The following SRRM2 variants were observed in gnomAD, a reference collection of about 807,000 sequenced individuals.
The protein encoded by SRRM2 is serine/arginine repetitive matrix 2.
Under a neutral mutation model 213.8 loss-of-function variants are expected in SRRM2, and 30 were observed. The ratio of observed to expected loss-of-function variants is 0.14; its 90% CI spans 0.10 to 0.19. The LOEUF (loss-of-function observed/expected upper bound fraction) is 0.19. SRRM2 is among the 10% of genes least tolerant of loss of function. SRRM2 has a pLI of 1.00. For missense variants in SRRM2, 4,904 were observed against 3,647.0 expected, an observed-to-expected ratio of 1.34 and a Z score of -8.88; for synonymous variants, 2,025 against 1,377.7, an observed-to-expected ratio of 1.47 and a Z score of -10.40.
At position 2,767,322 on chromosome 16, in the gene SRRM2, C is replaced by T; in HGVS notation, c.6794C>T (p.Ala2265Val). 1 of 1,613,940 alleles carries T rather than the reference C, an allele frequency of 6.2e-7. No homozygotes were observed. Among genetic ancestry groups the T allele is most frequent in the Non-Finnish European group, 8.5e-7 (1 of 1,180,048 alleles). ...GCTGACTCTCGAACGCCAGCTGCAG[C>T]AGCGGCCATGAACTTGGCCAGCCCC... ...NLADSRTPAA[A>V]AAMNLASPRT... Residue 2265 changes from alanine (A) to valine (V), a missense_variant, in exon 11 of 15, where the codon GCA becomes GTA. Transcript: ENST00000301740.
intron 4 of SRRM2, 141 bp downstream of exon 4, chr16:2,758,086 G>C: frequency 9.8e-7 from 1 of 1,024,110 alleles, no homozygotes; most frequent in Non-Finnish European, 1.4e-6. Context: ...AAAAAAATGT[G>C]TCCAAGGGTT....
rs1222080395 is a variant in SRRM2 at position 2,767,040 on chromosome 16, C to G, written c.6512C>G (p.Ser2171Cys). 2 of 1,614,108 alleles carry G rather than the reference C, an allele frequency of 1.2e-6. No individual in the cohort carries two copies. The highest frequency in any genetic ancestry group is 1.7e-6 in the Non-Finnish European group (2 of 1,180,054). The stretch of plus-strand genomic sequence containing the variant: ...CGAATACCTGACCACCAGAGAACAT[C>G]TGTGCCAGAAAATCATGCTCAGTCC... The part of the protein sequence containing the change: ...GPRIPDHQRT[S>C]VPENHAQSRI... Residue 2171 changes from serine to cysteine, a missense_variant, in exon 11 of 15, where the codon TCT becomes TGT. Coordinates refer to ENST00000301740, the MANE Select transcript of SRRM2 (RefSeq NM_016333.4).
chr16:2,760,751 G>C, intron 10 of SRRM2: 2 of 466,450 alleles, frequency 4.3e-6, no homozygotes, highest in South Asian at 2.4e-5. Flanking sequence ...TACATAGATA[G>C]AACTGGAACA....
intron 1 of SRRM2, among the ~76,000 whole-genome samples, chr16:2,755,917 G>A (rs375217431): frequency 1.3e-5 from 2 of 152,174 alleles, no homozygotes; most frequent in African/African-American, 4.8e-5. Context: ...GCTTTGGTTG[G>A]TTACCAGAGG....
rs1014654732 is a variant in SRRM2 at position 2,769,363 on chromosome 16, C to G, written c.8021+79C>G. 6.1e-6 allele frequency: 9 copies of G among 1,475,580 alleles called. No homozygotes were observed. In the South Asian group the frequency reaches 1.1e-4, roughly 18 times the overall value. 91.4% of individuals were successfully genotyped at this position (1,475,580 alleles called of 1,614,324 possible). ...AGAAGGGGCCCTGGGGTGTGAGCTCCCCGCTGGGTGTCTCACGTGGCCTTG... is the reference window on the plus strand; with the variant it reads ...AGAAGGGGCCCTGGGGTGTGAGCTCGCCGCTGGGTGTCTCACGTGGCCTTG... On this transcript the variant is annotated intron_variant, in intron 12 of 14. Transcript: ENST00000301740.
chr16:2,767,977 C>A lies in SRRM2; in HGVS notation c.7449C>A (p.Thr2483=), dbSNP rs533522520. Residue 2483 remains threonine, a synonymous_variant, in exon 11 of 15, where the codon ACC becomes ACA. Coordinates refer to ENST00000301740, the MANE Select transcript of SRRM2 (RefSeq NM_016333.4). ...QSLSSGAVAT[T]TSSAGDHNGM... ...TTTCCTCTGGGGCAGTGGCAACGACCACGTCCTCTGCTGGTGATCACAATG... is the reference window on the plus strand; with the variant it reads ...TTTCCTCTGGGGCAGTGGCAACGACAACGTCCTCTGCTGGTGATCACAATG... 9.9e-6 allele frequency: 16 copies of A among 1,614,150 alleles called. 1 individual carries two copies. In the South Asian group the frequency reaches 1.8e-4, roughly 18 times the overall value.
chr16:2,758,991 A>G lies in SRRM2; in HGVS notation c.600A>G (p.Ser200=). ...KKKKKDRGRR[S]ESSSPRRERK... is the part of the protein sequence containing the mutation. The stretch of plus-strand genomic sequence containing the variant: ...CTTTTGAATCCATCTTTAGCAGGTC[A>G]GAGAGCAGCTCTCCTCGACGGGAGA... The change falls in exon 6 of 15, where the codon TCA becomes TCG. Residue 200 remains serine (S), a synonymous_variant. Coordinates refer to ENST00000301740, the MANE Select transcript of SRRM2 (RefSeq NM_016333.4). The G allele has an allele frequency of 6.2e-7, 1 of 1,614,226 alleles. No individual in the cohort carries two copies. Among genetic ancestry groups the G allele is most frequent in the Non-Finnish European group, 8.5e-7 (1 of 1,180,030 alleles).
At position 2,767,419 on chromosome 16, in the gene SRRM2, A is replaced by G. The variant is rs1465553201; in HGVS notation, c.6891A>G (p.Leu2297=). 2 of 1,614,002 alleles carry G rather than the reference A, an allele frequency of 1.2e-6. No homozygotes were observed. The highest frequency in any genetic ancestry group is 2.2e-5 in the East Asian group (1 of 44,868). Residue 2297 remains leucine, a synonymous_variant, in exon 11 of 15, where the codon CTA becomes CTG. Coordinates refer to ENST00000301740, the MANE Select transcript of SRRM2 (RefSeq NM_016333.4). ...PRTPTAPAVN[L]AGARTPAALA... ...CTCCCACAGCCCCAGCTGTGAACCT[A>G]GCAGGGGCCAGAACCCCAGCTGCCT...
At chr16:2,753,044 C>CT (rs1184702349) in intron 1 of SRRM2, among the ~76,000 whole-genome samples, 198 bp downstream of exon 1, 1 of 150,988 alleles carries the variant, frequency 6.6e-6, no homozygotes, top group Non-Finnish European at 1.5e-5. Context: ...TCACCCCCCC[C>CT]CGCCCCTCCC....
rs767396086 is a variant in SRRM2, at chr16:2,770,415, T to C, written c.8085T>C (p.Pro2695=). Residue 2695 remains proline, a synonymous_variant, in exon 13 of 15, where the codon CCT becomes CCC. Transcript: ENST00000301740. The part of the protein sequence containing the change: ...LRDSRSLSYS[P]VERRRPSPQP... ...ACTCTCGGTCCCTCAGCTACTCGCCTGTGGAGCGTCGCCGTCCCTCGCCCC... is the reference window on the plus strand; with the variant it reads ...ACTCTCGGTCCCTCAGCTACTCGCCCGTGGAGCGTCGCCGTCCCTCGCCCC... 2.5e-6 allele frequency: 4 copies of C among 1,610,990 alleles called. 1 individual carries two copies. The South Asian group carries it at 3.3e-5, about 13-fold the overall frequency.
rs776255233 is a variant in SRRM2, at chr16:2,767,368, G to A, written c.6840G>A (p.Ser2280=). Residue 2280 remains serine (S), a synonymous_variant, in exon 11 of 15, where the codon TCG becomes TCA. Coordinates refer to ENST00000301740, the MANE Select transcript of SRRM2 (RefSeq NM_016333.4). The part of the protein sequence containing the change: ...LASPRTAVAP[S]AVNLADPRTP... Reference sequence around the variant, plus strand: ...GCCCCAGAACAGCGGTGGCACCTTCGGCTGTGAACCTGGCTGACCCTCGCA... The same window carrying A: ...GCCCCAGAACAGCGGTGGCACCTTCAGCTGTGAACCTGGCTGACCCTCGCA... 5.0e-6 allele frequency: 8 copies of A among 1,613,648 alleles called. No individual in the cohort carries two copies. The highest frequency in any genetic ancestry group is 4.4e-5 in the South Asian group (4 of 91,076).
chr16:2,758,217 A>C (rs2068215773), intron 4 of SRRM2, among the ~76,000 whole-genome samples: 1 of 152,122 alleles, frequency 6.6e-6, no homozygotes, highest in South Asian at 2.1e-4. Context: ...CTACAAAAAG[A>C]AAAAAAGCTG....
At chr16:2,757,716 C>T in intron 3 of SRRM2, 65 bp from the exon 4 acceptor site, 2 of 1,593,198 alleles carry the variant, frequency 1.3e-6, no homozygotes, top group Non-Finnish European at 1.7e-6. Flanking sequence ...CCTGCTTATA[C>T]TTGTGTTCTG....
rs1183605199 is a variant in SRRM2, at chr16:2,762,986, T to C, written c.2458T>C (p.Ser820Pro). 1.2e-6 allele frequency: 2 copies of C among 1,613,922 alleles called. No individual in the cohort carries two copies. Among genetic ancestry groups the C allele is most frequent in the Non-Finnish European group, 1.7e-6 (2 of 1,179,980 alleles). The change falls in exon 11 of 15, where the codon TCT (serine) becomes CCT (proline). Residue 820 changes from serine to proline, a missense_variant. By Grantham distance (74) the Ser-to-Pro change is moderately conservative (BLOSUM62 -1). Transcript: ENST00000301740. The stretch of plus-strand genomic sequence containing the variant: ...ACCCAGACGCAGTCGCTCCAGTTCT[T>C]CTCCGCCACCTAAACAGAAATCTAA... Reference protein sequence around the residue: ...TPPRRSRSSSSPPPKQKSKTP... With the variant: ...TPPRRSRSSSPPPPKQKSKTP...
rs373645061 is a variant in SRRM2 at position 2,763,356 on chromosome 16, C to G, written c.2828C>G (p.Ser943Trp). ...TCTCCAAGTCCTAGTAGGGTGACGTCGAGAACAACTCCACGGCGAAGCAGA... is the reference window on the plus strand; with the variant it reads ...TCTCCAAGTCCTAGTAGGGTGACGTGGAGAACAACTCCACGGCGAAGCAGA... Reference protein sequence around the residue: ...SSSPSPSRVTSRTTPRRSRSV... With the variant: ...SSSPSPSRVTWRTTPRRSRSV... The change falls in exon 11 of 15, where the codon TCG (serine) becomes TGG (tryptophan). Residue 943 changes from serine to tryptophan, a missense_variant. By Grantham distance (177) the Ser-to-Trp change is radical (BLOSUM62 -3). Coordinates refer to ENST00000301740, the MANE Select transcript of SRRM2 (RefSeq NM_016333.4). The G allele has an allele frequency of 2.5e-6, 4 of 1,614,184 alleles. No homozygotes were observed. Among genetic ancestry groups the G allele is most frequent in the Non-Finnish European group, 2.5e-6 (3 of 1,180,040 alleles).
chr16:2,765,013 G>A lies in SRRM2; in HGVS notation c.4485G>A (p.Pro1495=), dbSNP rs140489489. The part of the protein sequence containing the change: ...EPKALPQTPR[P]RSRSPSSPEL... ...AAGCTTTGCCTCAGACTCCTAGGCC[G>A]AGGAGTCGTTCTCCATCATCCCCAG... is the stretch of plus-strand genomic sequence containing the variant. The change falls in exon 11 of 15, where the codon CCG becomes CCA. Residue 1495 remains proline, a synonymous_variant. Transcript: ENST00000301740. The A allele has an allele frequency of 2.1e-4, 343 of 1,613,866 alleles. No homozygotes were observed. Among genetic ancestry groups the A allele is most frequent in the Middle Eastern group, 1.6e-4 (1 of 6,084 alleles).
Position 2,763,090 on chromosome 16 carries a change from C to A in SRRM2, c.2562C>A (p.Ser854=), listed in dbSNP as rs568099419. The part of the protein sequence containing the change: ...VKSGTPPRQG[S]ITSPQANEQS... Reference sequence around the variant, plus strand: ...CTGGAACACCACCGAGGCAAGGGTCCATAACAAGTCCCCAGGCCAATGAGC... The same window carrying A: ...CTGGAACACCACCGAGGCAAGGGTCAATAACAAGTCCCCAGGCCAATGAGC... Residue 854 remains serine, a synonymous_variant, in exon 11 of 15, where the codon TCC becomes TCA. Transcript: ENST00000301740. The A allele has an allele frequency of 1.9e-6, 3 of 1,614,156 alleles. No homozygotes were observed. Among genetic ancestry groups the A allele is most frequent in the Non-Finnish European group, 2.5e-6 (3 of 1,180,036 alleles).
rs1440658466 is a variant in SRRM2 at position 2,764,654 on chromosome 16, A to T, written c.4126A>T (p.Thr1376Ser). The T allele has an allele frequency of 6.2e-7, 1 of 1,614,074 alleles. No homozygotes were observed. Among genetic ancestry groups the T allele is most frequent in the Admixed American group, 1.7e-5 (1 of 60,014 alleles). The change falls in exon 11 of 15, where the codon ACA becomes TCA. Residue 1376 changes from threonine to serine, a missense_variant. Coordinates refer to ENST00000301740, the MANE Select transcript of SRRM2 (RefSeq NM_016333.4). ...DPSLDMKEQSTRSSGHSSSEL... is the reference protein window; with the variant it reads ...DPSLDMKEQSSRSSGHSSSEL... ...ATCTCTAGACATGAAAGAACAATCG[A>T]CAAGATCCTCTGGACACAGCAGTTC... is the stretch of plus-strand genomic sequence containing the variant.
At chr16:2,758,955 G>A in intron 5 of SRRM2, 30 bp from the exon 6 acceptor site, 1 of 1,613,508 alleles carries the variant, frequency 6.2e-7, no homozygotes, top group African/African-American at 1.3e-5. Context: ...AAGCCAAGCA[G>A]GATGAGCTTG....
Sources: gnomAD v4.1 joint callset for allele counts (sites outside exome capture counted in the v4.1 genomes callset) on GRCh38, gnomAD v4.1.1 for gene constraint, MANE v1.5 for transcripts, NCBI Gene and HGNC (gene_info 2026-07-23, HGNC 2026-07-21) for gene names.